Variants in TSHB observed in about 807,000 individuals in gnomAD.
TSHB encodes thyroid stimulating hormone subunit beta, also known as thyrotropin subunit beta.
Under a neutral mutation model 9.3 loss-of-function variants are expected in TSHB, and 9 were observed. The observed-to-expected ratio is 0.97, with a 90% CI of 0.58 to 1.69. TSHB has a LOEUF of 1.69. Ranked by LOEUF, TSHB falls within the 40% of genes most tolerant of loss-of-function variation. TSHB has a pLI of 0.00. For synonymous variants in TSHB, 57 were observed against 57.2 expected, an observed-to-expected ratio of 1.00 and a Z score of 0.01; for missense variants, 182 against 168.5, an observed-to-expected ratio of 1.08 and a Z score of -0.44.
Position 115,032,722 on chromosome 1 carries a change from GATATCA to G in TSHB, c.-1-627_-1-622del, listed in dbSNP as rs543453185. ...TCATAACATTATCCAGAGGGATAATGATATCAATATCAATATCATATCAATATCATA... is the reference window on the plus strand; with the variant it reads ...TCATAACATTATCCAGAGGGATAATGATATCAATATCATATCAATATCATA... On this transcript the variant is annotated intron_variant, in intron 1 of 2. Transcript: ENST00000256592. 3.9e-3 allele frequency among the ~76,000 whole-genome samples: 586 copies of G among 151,962 alleles called. 6 individuals are homozygous for G. Among genetic ancestry groups the G allele is most frequent in the African/African-American group, 0.012 (514 of 41,474 alleles).
At chr1:115,032,049 A>G (rs1290235375) in intron 1 of TSHB, among the ~76,000 whole-genome samples, 1 of 152,000 alleles carries the variant, frequency 6.6e-6, no homozygotes, top group African/African-American at 2.4e-5. Context: ...CTGCGTTTTT[A>G]TTATTTGTGT....
rs375335938 is a variant in TSHB at position 115,034,098 on chromosome 1, C to T, written c.288C>T (p.Ser96=). 6.2e-7 allele frequency: 1 copy of T among 1,613,766 alleles called. No homozygotes were observed. Among genetic ancestry groups the T allele is most frequent in the South Asian group, 1.1e-5 (1 of 91,084 alleles). ...GCPLHVAPYF[S]YPVALSCKCG... ...CACTCCATGTTGCTCCCTATTTTTC[C>T]TATCCTGTTGCTTTAAGCTGTAAGT... Residue 96 remains serine (S), a synonymous_variant, in exon 3 of 3, where the codon TCC becomes TCT. Coordinates refer to ENST00000256592, the MANE Select transcript of TSHB (RefSeq NM_000549.5).
At chr1:115,032,856 C>T (rs1300134973) in intron 1 of TSHB, among the ~76,000 whole-genome samples, 9 of 151,918 alleles carry the variant, frequency 5.9e-5, no homozygotes, top group Admixed American at 3.3e-4. Context: ...TTCTTCATCA[C>T]GCAGGCTCTA....
At chr1:115,033,817 C>T (rs1674949405) in intron 2 of TSHB, 156 bp from the exon 3 acceptor site, 5 of 501,368 alleles carry the variant, frequency 1.0e-5, no homozygotes, top group Non-Finnish European at 1.3e-5. Context: ...TAGAATTCAA[C>T]GTGGTTAAGT....
chr1:115,034,304 C>G (rs951145661), downstream of TSHB: 5 of 1,502,766 alleles, frequency 3.3e-6, no homozygotes, highest in South Asian at 5.7e-5. Flanking sequence ...TTCACATTAT[C>G]TTCTGTTCAT....
intron 1 of TSHB, 22 bp from the exon 2 acceptor site, chr1:115,033,340 T>C: frequency 1.2e-6 from 2 of 1,612,602 alleles, no homozygotes; most frequent in Non-Finnish European, 1.7e-6. Context: ...AAATAGGTTC[T>C]TTAATTTTAT....
intron 2 of TSHB, 94 bp downstream of exon 2, chr1:115,033,618 C>T (rs1387323717): frequency 1.7e-6 from 2 of 1,198,454 alleles, no homozygotes; most frequent in Non-Finnish European, 2.5e-6. Flanking sequence ...AAATCACAAC[C>T]TCATTTCCCA....
In TSHB at chr1:115,029,867, G is replaced by A. The variant is rs916101749; in HGVS notation, c.-2+7G>A. On this transcript the variant is annotated splice_region_variant and intron_variant, in intron 1 of 2. Coordinates refer to ENST00000256592, the MANE Select transcript of TSHB (RefSeq NM_000549.5). ...CTCACCAATGCAAAGTAAGGTAGGTGTCTATAGTGAGAAGGCTCTGTGAAA... is the reference window on the plus strand; with the variant it reads ...CTCACCAATGCAAAGTAAGGTAGGTATCTATAGTGAGAAGGCTCTGTGAAA... 1 of 152,472 alleles carries A rather than the reference G, an allele frequency of 6.6e-6. No homozygotes were observed. Among genetic ancestry groups the A allele is most frequent in the African/African-American group, 2.4e-5 (1 of 41,420 alleles). 9.4% of individuals were successfully genotyped at this position (152,472 alleles called of 1,614,324 possible). A position where few individuals can be genotyped will look rare whatever the true frequency, so the allele number is the denominator to read the frequency against.
At chr1:115,031,027 CTAATT>C (rs137870496) in intron 1 of TSHB, among the ~76,000 whole-genome samples, 2,184 of 151,954 alleles carry the variant, frequency 0.014, 59 homozygotes, top group African/African-American at 0.051. Flanking sequence ...AGATCTGACA[CTAATT>C]TATCATATAG....
chr1:115,033,892 G>A (rs1390977997), intron 2 of TSHB, 81 bp from the exon 3 acceptor site: 1 of 1,556,488 alleles, frequency 6.4e-7, no homozygotes, highest in African/African-American at 1.4e-5. Flanking sequence ...GAATATAAGT[G>A]AATTTATTTT....
In TSHB at chr1:115,033,517, T is replaced by G. The variant is rs201135108; in HGVS notation, c.155T>G (p.Met52Arg). The G allele has an allele frequency of 6.2e-7, 1 of 1,613,056 alleles. No individual in the cohort carries two copies. Among genetic ancestry groups the G allele is most frequent in the East Asian group, 2.2e-5 (1 of 44,864 alleles). The change falls in exon 2 of 3, where the codon ATG becomes AGG. Residue 52 changes from methionine (M) to arginine (R), a missense_variant. By Grantham distance (91) the Met-to-Arg change is moderately conservative. Coordinates refer to ENST00000256592, the MANE Select transcript of TSHB (RefSeq NM_000549.5). Reference sequence around the variant, plus strand: ...ACCACCATCTGTGCTGGATATTGTATGACACGGGTATGTAGTTCATGTCAC... The same window carrying G: ...ACCACCATCTGTGCTGGATATTGTAGGACACGGGTATGTAGTTCATGTCAC... ...INTTICAGYC[M>R]TRDINGKLFL...
At position 115,030,810 on chromosome 1, in the gene TSHB, C is replaced by T. The variant is rs142958295; in HGVS notation, c.-2+950C>T. Among the ~76,000 whole-genome samples, 702 of 152,046 alleles carry T rather than the reference C, an allele frequency of 4.6e-3. 7 individuals are homozygous for T. The highest frequency in any genetic ancestry group is 0.016 in the African/African-American group (662 of 41,530). On this transcript the variant is annotated intron_variant, in intron 1 of 2. Transcript: ENST00000256592. Reference sequence around the variant, plus strand: ...TATCACAGAGGAAGGGATTAACTAACGCGGATTTGTACAGTGTTATACAGC... The same window carrying T: ...TATCACAGAGGAAGGGATTAACTAATGCGGATTTGTACAGTGTTATACAGC...
chr1:115,033,112 G>A (rs1241573549), intron 1 of TSHB, among the ~76,000 whole-genome samples: 2 of 151,716 alleles, frequency 1.3e-5, no homozygotes, highest in Non-Finnish European at 2.9e-5. Flanking sequence ...ACCTTAAAGG[G>A]ATATCCTAAG....
At chr1:115,033,281 A>T (rs529049577) in intron 1 of TSHB, 81 bp from the exon 2 acceptor site, 35 of 1,317,618 alleles carry the variant, frequency 2.7e-5, no homozygotes, top group Admixed American at 1.9e-4. Context: ...GATGGTACTG[A>T]AGTTTGGTTA....
At position 115,033,484 on chromosome 1, in the gene TSHB, C is replaced by A. The variant is rs191117397; in HGVS notation, c.122C>A (p.Thr41Asn). The A allele has an allele frequency of 1.2e-6, 2 of 1,613,338 alleles. No homozygotes were observed. The highest frequency in any genetic ancestry group is 4.5e-5 in the East Asian group (2 of 44,868). ...AGGAGAGAGTGTGCTTATTGCCTAA[C>A]CATCAACACCACCATCTGTGCTGGA... Reference protein sequence around the residue: ...IERRECAYCLTINTTICAGYC... With the variant: ...IERRECAYCLNINTTICAGYC... The change falls in exon 2 of 3, where the codon ACC becomes AAC. Residue 41 changes from threonine to asparagine, a missense_variant. Physicochemically the swap from Thr to Asn is moderately conservative, Grantham distance 65. Transcript: ENST00000256592.
chr1:115,031,602 G>T (rs1231636141), intron 1 of TSHB, among the ~76,000 whole-genome samples: 1 of 151,912 alleles, frequency 6.6e-6, no homozygotes, highest in Non-Finnish European at 1.5e-5. Context: ...TCAGTAGCTG[G>T]CTGTCTAAAC....
chr1:115,031,738 T>C (rs968864231), intron 1 of TSHB, among the ~76,000 whole-genome samples: 1 of 152,014 alleles, frequency 6.6e-6, no homozygotes, highest in African/African-American at 2.4e-5. Flanking sequence ...CTCTGTACCA[T>C]AGAGGGAGCT....
rs10776792 is a variant in TSHB, at chr1:115,033,402, A to G, written c.40A>G (p.Thr14Ala). 0.97 allele frequency: 1,560,790 copies of G among 1,613,386 alleles called. 755,109 individuals are homozygous for G. The highest frequency in any genetic ancestry group is 1 in the East Asian group (44,856 of 44,860). Residue 14 changes from threonine (T) to alanine (A), a missense_variant, in exon 2 of 3, where the codon ACA (threonine) becomes GCA (alanine). Thr to Ala is a moderately conservative substitution (Grantham distance 58). Transcript: ENST00000256592. Reference protein sequence around the residue: ...LFLMSMLFGLTCGQAMSFCIP... With the variant: ...LFLMSMLFGLACGQAMSFCIP... ...TCTGATGTCCATGCTTTTTGGCCTT[A>G]CATGTGGGCAAGCGATGTCTTTTTG...
At chr1:115,033,248 A>G in intron 1 of TSHB, 114 bp from the exon 2 acceptor site, 1 of 955,944 alleles carries the variant, frequency 1.0e-6, no homozygotes, top group Non-Finnish European at 1.6e-6. Flanking sequence ...TGGTAGAATT[A>G]TAAGCATGAT....
Sources: allele counts gnomAD v4.1 joint callset (sites outside exome capture counted in the v4.1 genomes callset), GRCh38; gene constraint gnomAD v4.1.1; transcripts MANE v1.5; gene names NCBI Gene and HGNC (gene_info 2026-07-23, HGNC 2026-07-21).